The following KIF4A variants were observed in gnomAD, a reference collection of about 807,000 sequenced individuals.
KIF4A encodes the protein kinesin family member 4A.
KIF4A carries 7 observed loss-of-function variants against 105.9 expected under a neutral mutation model. That is an observed-to-expected ratio of 0.07 (90% CI 0.04 to 0.12). KIF4A has a LOEUF of 0.12. Among genes scored for constraint, KIF4A ranks in the 10% least tolerant of loss-of-function variants. The pLI, the probability that KIF4A is intolerant of heterozygous loss-of-function variation, is 1.00. For missense variants in KIF4A, 558 were observed against 929.2 expected (o/e 0.60, Z 5.19); for synonymous variants, 281 against 331.3 (o/e 0.85, Z 1.65).
At chrX:70,299,238 T>A (rs1300725643) in intron 5 of KIF4A, 36 bp downstream of exon 5, 9 of 1,126,197 alleles carry the variant, frequency 8.0e-6, no homozygotes, top group Non-Finnish European at 9.6e-6. Context: ...ATTAAAAAAA[T>A]TTGGCAATTA....
intron 18 of KIF4A, among the ~76,000 whole-genome samples, chrX:70,385,696 A>G (rs1304103589): frequency 8.9e-6 from 1 of 111,861 alleles, no homozygotes; most frequent in Admixed American, 9.6e-5. Flanking sequence ...GGATTGGAAC[A>G]AGTGAAGCCA....
intron 15 of KIF4A, 69 bp downstream of exon 15, chrX:70,353,876 C>A: frequency 1.1e-6 from 1 of 876,359 alleles, no homozygotes; most frequent in Non-Finnish European, 1.6e-6. Context: ...AAGAAAACAA[C>A]AAGCATATAA....
At chrX:70,379,194 G>A (rs2086187502) in intron 18 of KIF4A, among the ~76,000 whole-genome samples, 1 of 110,097 alleles carries the variant, frequency 9.1e-6, no homozygotes, top group African/African-American at 3.3e-5. Flanking sequence ...AGAAAAAAAA[G>A]AAAGAAAATT....
chrX:70,323,687 A>G (rs1243976513), intron 7 of KIF4A, among the ~76,000 whole-genome samples: 1 of 111,176 alleles, frequency 9.0e-6, no homozygotes, highest in Non-Finnish European at 1.9e-5. Context: ...CTTTATCACA[A>G]ATCTGTCCAT....
At chrX:70,326,333 C>T (rs1341651377) in intron 7 of KIF4A, among the ~76,000 whole-genome samples, 3 of 111,859 alleles carry the variant, frequency 2.7e-5, no homozygotes, top group Non-Finnish European at 3.8e-5. Flanking sequence ...GCCAGTGGCA[C>T]ACATACCCCA....
chrX:70,326,727 A>C (rs759199571), intron 7 of KIF4A, among the ~76,000 whole-genome samples: 1 of 111,966 alleles, frequency 8.9e-6, no homozygotes, highest in African/African-American at 3.2e-5. Flanking sequence ...CTCTGCAAAT[A>C]TGTTCTTCCC....
chrX:70,405,422 A>T (rs2086296444), intron 25 of KIF4A, among the ~76,000 whole-genome samples: 1 of 111,816 alleles, frequency 8.9e-6, no homozygotes. Flanking sequence ...CAGGCTTACT[A>T]AAGTAGCAAG....
intron 23 of KIF4A, 152 bp downstream of exon 23, chrX:70,402,847 T>A (rs1433878189): frequency 6.0e-6 from 4 of 668,441 alleles, no homozygotes; most frequent in Non-Finnish European, 9.0e-6. Context: ...TAAAGGTTGG[T>A]GTAAGCAAGT....
chrX:70,400,034 T>A (rs1171249767), intron 22 of KIF4A, among the ~76,000 whole-genome samples: 3 of 106,062 alleles, frequency 2.8e-5, no homozygotes, highest in Admixed American at 1.0e-4. Context: ...TTTTTTTTTT[T>A]ATTATACTTT....
At chrX:70,381,066 T>C (rs1452021439) in intron 18 of KIF4A, among the ~76,000 whole-genome samples, 1 of 111,274 alleles carries the variant, frequency 9.0e-6, no homozygotes, top group Non-Finnish European at 1.9e-5. Flanking sequence ...CGAGAATCAT[T>C]TGAACCCAGG....
At chrX:70,357,051 G>A (rs1254538204) in intron 15 of KIF4A, among the ~76,000 whole-genome samples, 2 of 111,654 alleles carry the variant, frequency 1.8e-5, no homozygotes, top group Non-Finnish European at 3.8e-5. Context: ...TGACAAAACT[G>A]TAAAACTCAT....
chrX:70,415,861 C>CTTT (rs1162374099), intron 28 of KIF4A, among the ~76,000 whole-genome samples: 208 of 57,400 alleles, frequency 3.6e-3, no homozygotes, highest in Middle Eastern at 0.017. Flanking sequence ...TGCATTATTT[C>CTTT]TTTTTTTTTT....
intron 28 of KIF4A, among the ~76,000 whole-genome samples, chrX:70,408,562 G>C (rs950561352): frequency 1.8e-5 from 2 of 111,852 alleles, no homozygotes; most frequent in Admixed American, 9.5e-5. Context: ...ATCTTAGCTG[G>C]CTTCCTACAT....
At chrX:70,300,491 G>A (rs1466545587) in intron 5 of KIF4A, among the ~76,000 whole-genome samples, 1 of 111,382 alleles carries the variant, frequency 9.0e-6, no homozygotes, top group African/African-American at 3.3e-5. Flanking sequence ...AGTAAGTAGA[G>A]AAAATAAGGA....
At chrX:70,306,349 A>G (rs1413271005) in intron 7 of KIF4A, among the ~76,000 whole-genome samples, 1 of 111,527 alleles carries the variant, frequency 9.0e-6, no homozygotes, top group Admixed American at 9.6e-5. Context: ...TTTCATTTCC[A>G]TATGAACATT....
chrX:70,329,833 C>A (rs1436160400), intron 8 of KIF4A, among the ~76,000 whole-genome samples: 1 of 111,475 alleles, frequency 9.0e-6, no homozygotes, highest in African/African-American at 3.3e-5. Flanking sequence ...GAGTTAAAAT[C>A]CACCTAGAGG....
At chrX:70,392,026 A>C (rs1208156796) in intron 20 of KIF4A, among the ~76,000 whole-genome samples, 2 of 111,592 alleles carry the variant, frequency 1.8e-5, no homozygotes, top group Non-Finnish European at 3.8e-5. Flanking sequence ...TAATTGTGAT[A>C]TATCATCCTT....
At chrX:70,412,247 T>C (rs2086325262) in intron 28 of KIF4A, among the ~76,000 whole-genome samples, 1 of 111,966 alleles carries the variant, frequency 8.9e-6, no homozygotes, top group Admixed American at 9.5e-5. Context: ...CACAGTCTTA[T>C]AGGACAACCC....
At chrX:70,394,204 GC>G (rs1429494979) in intron 20 of KIF4A, among the ~76,000 whole-genome samples, 1 of 93,336 alleles carries the variant, frequency 1.1e-5, no homozygotes, top group Non-Finnish European at 2.2e-5. Flanking sequence ...TTTGGGTCTA[GC>G]TTTTTTTTTT....
Sources: gnomAD v4.1 joint callset for allele counts (sites outside exome capture counted in the v4.1 genomes callset) on GRCh38, gnomAD v4.1.1 for gene constraint, MANE v1.5 for transcripts, NCBI Gene and HGNC (gene_info 2026-07-23, HGNC 2026-07-21) for gene names.